Variants in ZBTB7C observed in about 807,000 individuals in gnomAD.
The protein encoded by ZBTB7C is zinc finger and BTB domain containing 7C.
Under a neutral mutation model 25.7 loss-of-function variants are expected in ZBTB7C, and 8 were observed. The ratio of observed to expected loss-of-function variants is 0.31; its 90% CI spans 0.18 to 0.56. ZBTB7C has a LOEUF of 0.56. Among genes scored for constraint, ZBTB7C ranks in the 20% least tolerant of loss-of-function variants. ZBTB7C has a pLI of 0.91. For missense variants in ZBTB7C, 824 were observed against 855.2 expected (o/e 0.96, Z 0.46); for synonymous variants, 394 against 369.0 (o/e 1.07, Z -0.78).
chr18:48,202,542 G>C (rs1367446831), intron 2 of ZBTB7C, among the ~76,000 whole-genome samples: 1 of 151,982 alleles, frequency 6.6e-6, no homozygotes, highest in Middle Eastern at 3.2e-3. Context: ...GGGCTGCGAG[G>C]GTGGGTGTGC....
intron 2 of ZBTB7C, among the ~76,000 whole-genome samples, chr18:48,212,462 C>CTAATGTAAACTATGGCCCCTGGGTGA (rs2042724473): frequency 6.6e-6 from 1 of 151,896 alleles, no homozygotes; most frequent in Non-Finnish European, 1.5e-5. Flanking sequence ...AGAGTGAACC[C>CTAATGTAAACTATGGCCCCTGGGTGA]TAATGTAAAC....
intron 3 of ZBTB7C, among the ~76,000 whole-genome samples, chr18:48,042,446 G>A (rs1044310981): frequency 1.3e-5 from 2 of 152,200 alleles, no homozygotes. Flanking sequence ...AAACAAAAAG[G>A]AAAACAAATC....
In ZBTB7C at chr18:48,402,585, A is replaced by T. The variant is rs369381426; in HGVS notation, c.-304+6641T>A. The stretch of plus-strand genomic sequence containing the variant: ...CTAAAATCTTTGGTGAAGAGACTTG[A>T]CATTTTCTTCTAAGTGTCAGTGATT... On this transcript the variant is annotated intron_variant, in intron 1 of 4. Coordinates refer to ENST00000590800, the MANE Select transcript of ZBTB7C (RefSeq NM_001318841.2). Among the ~76,000 whole-genome samples the T allele has an allele frequency of 2.0e-5, 3 of 152,356 alleles. No individual in the cohort carries two copies. In the East Asian group the frequency reaches 5.8e-4, roughly 29 times the overall value.
intron 3 of ZBTB7C, among the ~76,000 whole-genome samples, chr18:48,064,514 G>A (rs1358755212): frequency 2.0e-5 from 3 of 152,280 alleles, no homozygotes; most frequent in African/African-American, 2.4e-5. Flanking sequence ...AGGCCGAGGC[G>A]GGTGGATTAC....
chr18:48,237,387 T>C (rs1599162672), intron 2 of ZBTB7C, among the ~76,000 whole-genome samples: 1 of 151,886 alleles, frequency 6.6e-6, no homozygotes, highest in Non-Finnish European at 1.5e-5. Context: ...AGTACAAATG[T>C]GGGGAGCTGA....
At chr18:48,358,501 G>C (rs2145085276) in intron 1 of ZBTB7C, among the ~76,000 whole-genome samples, 1 of 152,300 alleles carries the variant, frequency 6.6e-6, no homozygotes, top group Non-Finnish European at 1.5e-5. Flanking sequence ...AGCCAGGCTT[G>C]TACAGTTGGC....
At chr18:48,382,903 C>G (rs2145214796) in intron 1 of ZBTB7C, among the ~76,000 whole-genome samples, 1 of 152,340 alleles carries the variant, frequency 6.6e-6, no homozygotes, top group South Asian at 2.1e-4. Flanking sequence ...TCTATACTCT[C>G]AAGGTATGCC....
chr18:48,151,052 T>C (rs1450390877), intron 3 of ZBTB7C, among the ~76,000 whole-genome samples: 1 of 152,192 alleles, frequency 6.6e-6, no homozygotes, highest in Non-Finnish European at 1.5e-5. Flanking sequence ...GCTGCCGATA[T>C]GGAAGAAGCA....
At chr18:48,173,589 G>A (rs1295209313) in intron 3 of ZBTB7C, among the ~76,000 whole-genome samples, 1 of 152,214 alleles carries the variant, frequency 6.6e-6, no homozygotes, top group Non-Finnish European at 1.5e-5. Context: ...AGGAAGAGTA[G>A]GCAGTAGTGG....
chr18:48,081,461 CT>C (rs916264096), intron 3 of ZBTB7C, among the ~76,000 whole-genome samples: 61 of 98,204 alleles, frequency 6.2e-4, no homozygotes, highest in Admixed American at 5.8e-4. Flanking sequence ...TTTTCTTTTT[CT>C]TTTTTTTTTT....
chr18:48,367,175 T>TATATATATATATA (rs2047242433), intron 1 of ZBTB7C, among the ~76,000 whole-genome samples: 41 of 62,224 alleles, frequency 6.6e-4, no homozygotes, highest in African/African-American at 2.7e-3. Context: ...TCCCCAAGTT[T>TATATATATATATA]TATATATATA....
At chr18:48,117,180 G>A (rs983943725) in intron 3 of ZBTB7C, among the ~76,000 whole-genome samples, 3 of 152,152 alleles carry the variant, frequency 2.0e-5, no homozygotes, top group Non-Finnish European at 4.4e-5. Flanking sequence ...CAGTCCCTCC[G>A]TGGACAAAGC....
At chr18:48,033,391 A>G (rs1333689630) in intron 4 of ZBTB7C, among the ~76,000 whole-genome samples, 1 of 152,220 alleles carries the variant, frequency 6.6e-6, no homozygotes, top group Non-Finnish European at 1.5e-5. Flanking sequence ...CTGAGGCCTA[A>G]GAGGACTGCT....
chr18:48,379,787 C>A (rs890115978), intron 1 of ZBTB7C, among the ~76,000 whole-genome samples: 7 of 152,084 alleles, frequency 4.6e-5, no homozygotes, highest in African/African-American at 1.7e-4. Context: ...AATAAGAAAA[C>A]AAATGCCCCA....
In ZBTB7C at chr18:48,367,190, TATATATATATATAC is replaced by T. The variant is rs776063298; in HGVS notation, c.-303-28806_-303-28793del. ...TCCCCAAGTTTTATATATATATATA[TATATATATATATAC>T]ACACACACACACACACACACACACA... On this transcript the variant is annotated intron_variant, in intron 1 of 4. Coordinates refer to ENST00000590800, the MANE Select transcript of ZBTB7C (RefSeq NM_001318841.2). Among the ~76,000 whole-genome samples, 416 of 68,458 alleles carry T rather than the reference TATATATATATATAC, an allele frequency of 6.1e-3. 13 individuals carry two copies. Among genetic ancestry groups the T allele is most frequent in the African/African-American group, 0.014 (239 of 16,852 alleles). 44.9% of individuals were successfully genotyped at this position (68,458 alleles called of 152,430 possible).
At chr18:48,063,625 G>C (rs1017932794) in intron 3 of ZBTB7C, among the ~76,000 whole-genome samples, 1 of 152,236 alleles carries the variant, frequency 6.6e-6, no homozygotes, top group Non-Finnish European at 1.5e-5. Flanking sequence ...ATGTGTTATA[G>C]AAATAAAAGA....
At chr18:48,158,828 T>G (rs993322297) in intron 3 of ZBTB7C, among the ~76,000 whole-genome samples, 9 of 152,304 alleles carry the variant, frequency 5.9e-5, no homozygotes, top group Admixed American at 3.3e-4. Context: ...CTCGAGGTTT[T>G]GAAGGCACCT....
chr18:48,356,770 G>A (rs535262818), intron 1 of ZBTB7C, among the ~76,000 whole-genome samples: 29 of 152,294 alleles, frequency 1.9e-4, no homozygotes, highest in South Asian at 8.3e-4. Context: ...ATGGGCCGAC[G>A]TGCATTATCT....
At chr18:48,082,056 G>T (rs1252951370) in intron 3 of ZBTB7C, among the ~76,000 whole-genome samples, 1 of 152,116 alleles carries the variant, frequency 6.6e-6, no homozygotes, top group African/African-American at 2.4e-5. Flanking sequence ...GGACAGTGTT[G>T]GTCTACGCAT....
Sources: allele counts gnomAD v4.1 joint callset (sites outside exome capture counted in the v4.1 genomes callset), GRCh38; gene constraint gnomAD v4.1.1; transcripts MANE v1.5; gene names NCBI Gene and HGNC (gene_info 2026-07-23, HGNC 2026-07-21).